Variants in CPED1 observed in about 807,000 individuals in gnomAD.
CPED1 encodes the protein cadherin like and PC-esterase domain containing 1.
In CPED1, 114 loss-of-function variants were observed where a neutral mutation model predicts 128.2. The ratio of observed to expected loss-of-function variants is 0.89; its 90% CI spans 0.76 to 1.04. CPED1 has a LOEUF of 1.04. CPED1 is among the 50% of genes least tolerant of loss of function. CPED1 has a pLI of 0.00. For synonymous variants in CPED1, 462 were observed against 426.7 expected (o/e 1.08, Z -1.02); for missense variants, 1,211 against 1,207.1 (o/e 1.00, Z -0.05).
intron 7 of CPED1, among the ~76,000 whole-genome samples, chr7:121,109,313 C>T (rs938846878): frequency 2.6e-5 from 4 of 152,136 alleles, no homozygotes; most frequent in South Asian, 4.1e-4. Flanking sequence ...TCTCTCATTG[C>T]GTCACTGGCT....
chr7:121,275,792 A>G lies in CPED1; in HGVS notation c.2868+4362A>G, dbSNP rs140615120. Among the ~76,000 whole-genome samples, 147 of 152,048 alleles carry G rather than the reference A, an allele frequency of 9.7e-4. 1 individual carries two copies. The highest frequency in any genetic ancestry group is 3.4e-3 in the African/African-American group (141 of 41,528). ...TCCACTATTAATTAATTTTAACCCT[A>G]TAATCTTTATTATATAATCTTAATT... On this transcript the variant is annotated intron_variant, in intron 22 of 22. Coordinates refer to ENST00000310396, the MANE Select transcript of CPED1 (RefSeq NM_024913.5).
At chr7:121,253,671 T>TCTTCAAGAGACC (rs1277654252) in intron 18 of CPED1, among the ~76,000 whole-genome samples, 1 of 152,196 alleles carries the variant, frequency 6.6e-6, no homozygotes, top group South Asian at 2.1e-4. Flanking sequence ...CCATTTTCTG[T>TCTTCAAGAGACC]CTTCAAGAGA....
chr7:121,093,220 T>A (rs1369151493), intron 5 of CPED1, among the ~76,000 whole-genome samples: 1 of 152,144 alleles, frequency 6.6e-6, no homozygotes, highest in African/African-American at 2.4e-5. Context: ...GTAGGCATCA[T>A]GGTGAAGGAA....
chr7:121,201,679 T>C (rs901849121), intron 16 of CPED1, among the ~76,000 whole-genome samples: 1 of 152,108 alleles, frequency 6.6e-6, no homozygotes, highest in African/African-American at 2.4e-5. Context: ...AGGAATCTAA[T>C]TTCTGAATGC....
At chr7:121,070,096 T>C (rs1793949734) in intron 5 of CPED1, among the ~76,000 whole-genome samples, 1 of 151,590 alleles carries the variant, frequency 6.6e-6, no homozygotes, top group African/African-American at 2.4e-5. Flanking sequence ...AAACACCTTT[T>C]GTTGTATCAA....
chr7:121,202,591 C>T (rs1043067319), intron 16 of CPED1, among the ~76,000 whole-genome samples: 2 of 152,062 alleles, frequency 1.3e-5, no homozygotes, highest in African/African-American at 2.4e-5. Flanking sequence ...ATTTTAAAAA[C>T]ACATTCTGAC....
intron 16 of CPED1, among the ~76,000 whole-genome samples, chr7:121,199,932 G>A (rs1422867765): frequency 6.6e-6 from 1 of 151,912 alleles, no homozygotes. Context: ...AAAATTACTA[G>A]TGAGAGAGTT....
chr7:121,173,891 T>C (rs1796714019), intron 16 of CPED1, among the ~76,000 whole-genome samples: 1 of 152,118 alleles, frequency 6.6e-6, no homozygotes. Context: ...ATCACCAGCA[T>C]GTGTTATTCC....
chr7:121,251,526 G>A (rs1018209709), intron 18 of CPED1, among the ~76,000 whole-genome samples: 7 of 152,158 alleles, frequency 4.6e-5, no homozygotes, highest in African/African-American at 1.7e-4. Flanking sequence ...AAGTCAAATT[G>A]TCCCTGTTTG....
rs774286634 is a variant in CPED1, at chr7:121,015,668, A to C, written c.253A>C (p.Lys85Gln). 1.9e-6 allele frequency: 3 copies of C among 1,594,154 alleles called. No homozygotes were observed. Among genetic ancestry groups the C allele is most frequent in the Admixed American group, 1.8e-5 (1 of 54,878 alleles). ...SGNAQETRKV[K>Q]ESMETHFGSH... ...TTTTTATGCCTTCTTTTCTTAGGTC[A>C]AAGAATCAATGGAGACACACTTTGG... Residue 85 changes from lysine to glutamine, a missense_variant, in exon 3 of 23, where the codon AAA becomes CAA. Lys to Gln is a moderately conservative substitution (Grantham distance 53). Transcript: ENST00000310396.
Position 120,989,585 on chromosome 7 carries a change from G to C in CPED1, c.-37G>C, listed in dbSNP as rs202149555. 5.0e-6 allele frequency: 8 copies of C among 1,602,378 alleles called. No individual in the cohort carries two copies. Among genetic ancestry groups the C allele is most frequent in the Non-Finnish European group, 6.8e-6 (8 of 1,174,914 alleles). On this transcript the variant is annotated 5_prime_UTR_variant, in exon 2 of 23. Transcript: ENST00000310396. ...AAAAATAGCTGCTATGACTTTTCCC[G>C]CAACGTGGACAGGGGCCAAGTGAAG... is the stretch of plus-strand genomic sequence containing the variant.
intron 16 of CPED1, among the ~76,000 whole-genome samples, chr7:121,190,527 C>A (rs151057228): frequency 6.6e-6 from 1 of 151,660 alleles, no homozygotes; most frequent in Admixed American, 6.6e-5. Context: ...TGGATAAGAC[C>A]AAGATTTTCT....
At chr7:120,989,256 CAG>C (rs1237385938) in intron 1 of CPED1, 133 bp from the exon 2 acceptor site, 1 of 214,608 alleles carries the variant, frequency 4.7e-6, no homozygotes, top group African/African-American at 2.3e-5. Context: ...AAAGCTGAGG[CAG>C]AGTCGGACTC....
chr7:121,185,661 A>C (rs2116511076), intron 16 of CPED1, among the ~76,000 whole-genome samples: 1 of 152,306 alleles, frequency 6.6e-6, no homozygotes, highest in Admixed American at 6.5e-5. Context: ...ATCTCTACAA[A>C]GCACTATAAT....
intron 17 of CPED1, among the ~76,000 whole-genome samples, chr7:121,243,932 G>A (rs776838970): frequency 6.6e-6 from 1 of 152,150 alleles, no homozygotes; most frequent in Non-Finnish European, 1.5e-5. Flanking sequence ...TAATGATTGA[G>A]TAATACTTAG....
At chr7:121,085,837 A>G (rs1794413745) in intron 5 of CPED1, among the ~76,000 whole-genome samples, 1 of 152,140 alleles carries the variant, frequency 6.6e-6, no homozygotes, top group South Asian at 2.1e-4. Flanking sequence ...ACCATTTCCT[A>G]TTTGGGGGGT....
intron 4 of CPED1, among the ~76,000 whole-genome samples, chr7:121,060,992 A>G (rs974361614): frequency 6.6e-6 from 1 of 151,524 alleles, no homozygotes; most frequent in African/African-American, 2.4e-5. Flanking sequence ...GAGCTGTAAC[A>G]CTCACCGCGA....
At chr7:121,147,621 T>C (rs953570302) in intron 16 of CPED1, among the ~76,000 whole-genome samples, 1 of 152,092 alleles carries the variant, frequency 6.6e-6, no homozygotes, top group Non-Finnish European at 1.5e-5. Flanking sequence ...ACAAGTTGAT[T>C]TGTATAGATG....
intron 11 of CPED1, among the ~76,000 whole-genome samples, chr7:121,129,299 A>ATATACACG (rs1272460246): frequency 3.2e-4 from 2 of 6,340 alleles, no homozygotes; most frequent in African/African-American, 4.4e-4. Flanking sequence ...ATATATATAT[A>ATATACACG]TATATATATA....
Sources: gnomAD v4.1 joint callset for allele counts (sites outside exome capture counted in the v4.1 genomes callset) on GRCh38, gnomAD v4.1.1 for gene constraint, MANE v1.5 for transcripts, NCBI Gene and HGNC (gene_info 2026-07-23, HGNC 2026-07-21) for gene names.